Variants in LIPC observed in about 807,000 individuals in gnomAD.
LIPC encodes lipase C, hepatic type.
A neutral mutation model predicts 50.7 loss-of-function variants in LIPC; 44 were observed. The observed-to-expected ratio is 0.87, with a 90% CI of 0.68 to 1.11. The LOEUF (loss-of-function observed/expected upper bound fraction) is 1.11. Among genes scored for constraint, LIPC ranks in the 50% most tolerant of loss-of-function variants. LIPC has a pLI of 0.00. For missense variants in LIPC, 697 were observed against 648.2 expected, an observed-to-expected ratio of 1.08 and a Z score of -0.82; for synonymous variants, 271 against 256.4, an observed-to-expected ratio of 1.06 and a Z score of -0.54.
chr15:58,472,726 A>G (rs2140747958), intron 1 of LIPC, among the ~76,000 whole-genome samples: 1 of 152,328 alleles, frequency 6.6e-6, no homozygotes, highest in African/African-American at 2.4e-5. Context: ...TTTAGATCAG[A>G]AAAAATAAAG....
intron 8 of LIPC, among the ~76,000 whole-genome samples, chr15:58,567,337 ATGTATATG>A (rs370779087): frequency 0.047 from 867 of 18,398 alleles, 6 homozygotes; most frequent in South Asian, 0.071. Context: ...ATATATATAT[ATGTATATG>A]TATATATATA....
intron 1 of LIPC, among the ~76,000 whole-genome samples, chr15:58,457,292 C>T (rs990587574): frequency 2.0e-5 from 3 of 152,078 alleles, no homozygotes; most frequent in Non-Finnish European, 4.4e-5. Context: ...GTATTTTTAG[C>T]AGAGACAGGG....
intron 1 of LIPC, among the ~76,000 whole-genome samples, chr15:58,469,797 A>C (rs1894718913): frequency 6.6e-6 from 1 of 152,218 alleles, no homozygotes; most frequent in Non-Finnish European, 1.5e-5. Flanking sequence ...CGTTGAGAAG[A>C]TGCAAGAAAG....
intron 1 of LIPC, among the ~76,000 whole-genome samples, chr15:58,500,382 C>T (rs1891942072): frequency 6.6e-6 from 1 of 152,198 alleles, no homozygotes; most frequent in African/African-American, 2.4e-5. Flanking sequence ...TCTTCACTGT[C>T]ACGCTTGCTC....
chr15:58,440,873 A>G (rs1444317213), intron 1 of LIPC, among the ~76,000 whole-genome samples: 1 of 152,120 alleles, frequency 6.6e-6, no homozygotes, highest in African/African-American at 2.4e-5. Flanking sequence ...GGGAGAGTGA[A>G]GTTGGGAATT....
At chr15:58,530,403 G>A (rs1165684732) in intron 1 of LIPC, among the ~76,000 whole-genome samples, 2 of 152,240 alleles carry the variant, frequency 1.3e-5, no homozygotes, top group African/African-American at 4.8e-5. Flanking sequence ...CTCAGAAACA[G>A]CCTGTCCTCT....
At chr15:58,465,949 A>G (rs1354754480) in intron 1 of LIPC, among the ~76,000 whole-genome samples, 5 of 152,238 alleles carry the variant, frequency 3.3e-5, no homozygotes, top group Admixed American at 1.3e-4. Context: ...GTAGAGATCT[A>G]AAATTCCTCT....
At chr15:58,496,785 C>A (rs1891784349) in intron 1 of LIPC, among the ~76,000 whole-genome samples, 1 of 135,440 alleles carries the variant, frequency 7.4e-6, no homozygotes, top group East Asian at 2.2e-4. Flanking sequence ...CCCTCTGTCA[C>A]CCAGGCTGGA....
intron 4 of LIPC, among the ~76,000 whole-genome samples, chr15:58,543,196 G>A (rs1396130497): frequency 6.6e-6 from 1 of 152,124 alleles, no homozygotes; most frequent in Non-Finnish European, 1.5e-5. Flanking sequence ...TGCGAGGAAG[G>A]CCTTCCTCCC....
At chr15:58,494,723 T>C (rs1891707393) in intron 1 of LIPC, 1 of 454,172 alleles carries the variant, frequency 2.2e-6, no homozygotes, top group South Asian at 1.6e-5. Flanking sequence ...ACAGCTTGGG[T>C]GGGATCTCTT....
chr15:58,447,889 C>G (rs1220210441), intron 1 of LIPC, among the ~76,000 whole-genome samples: 1 of 152,176 alleles, frequency 6.6e-6, no homozygotes, highest in Non-Finnish European at 1.5e-5. Flanking sequence ...AGGCAGTGTT[C>G]TAGCACTGGA....
At chr15:58,470,230 C>G (rs1277066856) in intron 1 of LIPC, among the ~76,000 whole-genome samples, 1 of 152,164 alleles carries the variant, frequency 6.6e-6, no homozygotes, top group Non-Finnish European at 1.5e-5. Context: ...CCGCACCCAG[C>G]TGGAATGCAT....
At chr15:58,481,815 A>G (rs1891199550) in intron 1 of LIPC, among the ~76,000 whole-genome samples, 1 of 152,232 alleles carries the variant, frequency 6.6e-6, no homozygotes, top group Non-Finnish European at 1.5e-5. Flanking sequence ...AATAGATAGA[A>G]TAAAGTAGAA....
At chr15:58,525,091 T>G (rs901190270) in intron 1 of LIPC, among the ~76,000 whole-genome samples, 1 of 152,222 alleles carries the variant, frequency 6.6e-6, no homozygotes, top group African/African-American at 2.4e-5. Context: ...GAGTTTTTCC[T>G]GATGTATGAT....
intron 1 of LIPC, among the ~76,000 whole-genome samples, chr15:58,471,330 G>A (rs199559854): frequency 8.5e-6 from 1 of 118,334 alleles, no homozygotes; most frequent in African/African-American, 3.3e-5. Context: ...AGTAGAGATG[G>A]GGGGGGGTGG....
intron 1 of LIPC, among the ~76,000 whole-genome samples, chr15:58,501,217 G>T (rs1038614607): frequency 6.6e-6 from 1 of 152,040 alleles, no homozygotes; most frequent in Non-Finnish European, 1.5e-5. Flanking sequence ...ACATTGCAGT[G>T]ATTTCCTAAC....
chr15:58,475,368 G>A (rs1395997994), intron 1 of LIPC, among the ~76,000 whole-genome samples: 1 of 152,192 alleles, frequency 6.6e-6, no homozygotes, highest in Non-Finnish European at 1.5e-5. Flanking sequence ...CCATAGAAAA[G>A]GCAGACAGCC....
At chr15:58,553,092 G>C (rs141871554) in intron 6 of LIPC, among the ~76,000 whole-genome samples, 1 of 152,138 alleles carries the variant, frequency 6.6e-6, no homozygotes, top group Non-Finnish European at 1.5e-5. Context: ...AGGAAATCGA[G>C]CCCCAGAAAG....
chr15:58,501,905 A>G (rs557725946), intron 1 of LIPC, among the ~76,000 whole-genome samples: 1 of 152,258 alleles, frequency 6.6e-6, no homozygotes, highest in East Asian at 1.9e-4. Flanking sequence ...AAACTTGAGG[A>G]TGCAAAGAAA....
Sources: allele counts gnomAD v4.1 joint callset (sites outside exome capture counted in the v4.1 genomes callset), GRCh38; gene constraint gnomAD v4.1.1; transcripts MANE v1.5; gene names NCBI Gene and HGNC (gene_info 2026-07-23, HGNC 2026-07-21).